The following TET3 variants were observed in gnomAD, a reference collection of about 807,000 sequenced individuals.
TET3 encodes tet methylcytosine dioxygenase 3.
Under a neutral mutation model 141.4 loss-of-function variants are expected in TET3, and 19 were observed. The ratio of observed to expected loss-of-function variants is 0.13; its 90% CI spans 0.09 to 0.20. The LOEUF (loss-of-function observed/expected upper bound fraction) is 0.20, where lower values mean the gene tolerates loss of function less well. TET3 is among the 10% of genes least tolerant of loss of function. The pLI is 1.00. For missense variants in TET3, 1,874 were observed against 2,356.9 expected, an observed-to-expected ratio of 0.80 and a Z score of 4.24; for synonymous variants, 1,043 against 980.9, an observed-to-expected ratio of 1.06 and a Z score of -1.18.
chr2:74,124,123 TG>T, the TET3 span, among the ~76,000 whole-genome samples: 84 of 145,830 alleles, frequency 5.8e-4, 1 homozygote, highest in Admixed American at 5.5e-3. Flanking sequence ...GTCCAGGAGG[TG>T]GGGGGCAGCC....
At chr2:74,092,162 C>T (rs1232683693) in intron 8 of TET3, among the ~76,000 whole-genome samples, 1 of 152,012 alleles carries the variant, frequency 6.6e-6, no homozygotes, top group Non-Finnish European at 1.5e-5. Flanking sequence ...AAGAAATTAG[C>T]CGGCTGTGGG....
chr2:74,050,206 A>G (rs1332870953), intron 4 of TET3, among the ~76,000 whole-genome samples: 1 of 152,202 alleles, frequency 6.6e-6, no homozygotes, highest in Non-Finnish European at 1.5e-5. Context: ...TCCCAACTCC[A>G]TCACTTACTA....
intron 2 of TET3, among the ~76,000 whole-genome samples, chr2:74,000,009 TG>T (rs1684770296): frequency 6.6e-6 from 1 of 152,002 alleles, no homozygotes; most frequent in African/African-American, 2.4e-5. Context: ...GACCTGTGTT[TG>T]GGGTAGGGCT....
chr2:74,122,486 C>CATATAT, the TET3 span: 27 of 89,322 alleles, frequency 3.0e-4, no homozygotes, highest in South Asian at 6.1e-4. Context: ...TATATAAATA[C>CATATAT]ATACATATAT....
At chr2:74,052,594 G>A (rs1330299876) in intron 4 of TET3, among the ~76,000 whole-genome samples, 6 of 149,874 alleles carry the variant, frequency 4.0e-5, no homozygotes, top group Non-Finnish European at 8.9e-5. Flanking sequence ...GGAGGGGCCC[G>A]GGCGCTGTGG....
chr2:74,012,965 T>C (rs1685536226), intron 3 of TET3, among the ~76,000 whole-genome samples: 1 of 152,106 alleles, frequency 6.6e-6, no homozygotes, highest in African/African-American at 2.4e-5. Flanking sequence ...TGTCTTTGCA[T>C]TCTTTGAATA....
intron 6 of TET3, among the ~76,000 whole-genome samples, chr2:74,084,704 C>T (rs1214895361): frequency 6.6e-6 from 1 of 152,094 alleles, no homozygotes; most frequent in Non-Finnish European, 1.5e-5. Context: ...CCACCCGCCT[C>T]GGCCTCCCAA....
In TET3 at chr2:74,011,157, G is replaced by T. The variant is rs183000013; in HGVS notation, c.360+7991G>T. Among the ~76,000 whole-genome samples, 66 of 148,402 alleles carry T rather than the reference G, an allele frequency of 4.4e-4. 1 individual carries two copies. The East Asian group carries it at 0.011, about 25-fold the overall frequency. On this transcript the variant is annotated intron_variant, in intron 3 of 11. Transcript: ENST00000409262. The stretch of plus-strand genomic sequence containing the variant: ...GCAGGAGAATCGCTTGAACCCGGGA[G>T]GCAGAGGTTGCAGTGGGCCAAGATC...
Position 74,107,993 on chromosome 2 carries a change from T to C in TET3, c.*5817T>C, listed in dbSNP as rs1691602753. On this transcript the variant is annotated 3_prime_UTR_variant, in exon 12 of 12. Transcript: ENST00000409262. ...CTGAGCTACCCCTCCTTACCCTCCC[T>C]TCTCCCTCAGTGTTTCAGTAAATTT... 1 of 153,718 alleles carries C rather than the reference T, an allele frequency of 6.5e-6. No individual in the cohort carries two copies. The highest frequency in any genetic ancestry group is 1.5e-5 in the Non-Finnish European group (1 of 68,036). 9.5% of individuals were successfully genotyped at this position (153,718 alleles called of 1,614,324 possible).
At chr2:74,031,393 G>T (rs750679451) in intron 3 of TET3, among the ~76,000 whole-genome samples, 1 of 152,126 alleles carries the variant, frequency 6.6e-6, no homozygotes, top group Non-Finnish European at 1.5e-5. Context: ...TAATGGTTGC[G>T]CAAATGCCTA....
At position 74,072,383 on chromosome 2, in the gene TET3, A is replaced by G. The variant is rs1195595443; in HGVS notation, c.2495-1166A>G. ...CAAAATTAGCTGGGTGTGGTGGTGC[A>G]TGCCTATAATCCCAGCTACTTGGGA... On this transcript the variant is annotated intron_variant, in intron 4 of 11. Transcript: ENST00000409262. Among the ~76,000 whole-genome samples, 7 of 152,202 alleles carry G rather than the reference A, an allele frequency of 4.6e-5. No homozygotes were observed. In the East Asian group the frequency reaches 1.2e-3, roughly 25 times the overall value.
At chr2:74,051,462 T>C (rs1231841948) in intron 4 of TET3, among the ~76,000 whole-genome samples, 1 of 152,240 alleles carries the variant, frequency 6.6e-6, no homozygotes, top group Non-Finnish European at 1.5e-5. Context: ...GGTCGGAGTA[T>C]GGATGACCTT....
intron 8 of TET3, among the ~76,000 whole-genome samples, chr2:74,090,256 G>A (rs546287621): frequency 2.0e-5 from 3 of 152,274 alleles, no homozygotes; most frequent in African/African-American, 4.8e-5. Context: ...TAGCAGTTAC[G>A]GGTGCCCCAG....
intron 3 of TET3, among the ~76,000 whole-genome samples, chr2:74,022,094 CTTT>C (rs34529157): frequency 1.1e-4 from 9 of 82,752 alleles, no homozygotes; most frequent in Admixed American, 1.4e-4. Context: ...TTCTAGGACA[CTTT>C]TTTTTTTTTT....
At chr2:74,096,921 A>T (rs189649313) in intron 10 of TET3, among the ~76,000 whole-genome samples, 6 of 151,948 alleles carry the variant, frequency 3.9e-5, no homozygotes, top group African/African-American at 1.4e-4. Context: ...GCAAAACCCT[A>T]TCTCTACAAA....
At chr2:74,000,631 T>G (rs552312424) in intron 2 of TET3, among the ~76,000 whole-genome samples, 1 of 152,122 alleles carries the variant, frequency 6.6e-6, no homozygotes, top group East Asian at 1.9e-4. Context: ...GGGAAGTGAT[T>G]GGGTTCAAGT....
At chr2:74,070,422 G>T (rs946086197) in intron 4 of TET3, among the ~76,000 whole-genome samples, 1 of 152,144 alleles carries the variant, frequency 6.6e-6, no homozygotes, top group East Asian at 1.9e-4. Flanking sequence ...CCATGATTCA[G>T]TTATCTCTCA....
At chr2:74,119,247 G>A in the TET3 span, among the ~76,000 whole-genome samples, 24 of 151,982 alleles carry the variant, frequency 1.6e-4, no homozygotes, top group Admixed American at 5.2e-4. Flanking sequence ...CAGATACTTC[G>A]GAGGCTGAGG....
rs1208078232 is a variant in TET3 at position 74,106,542 on chromosome 2, T to C, written c.*4366T>C. On this transcript the variant is annotated 3_prime_UTR_variant, in exon 12 of 12. Transcript: ENST00000409262. ...GGACCATGGTGGGCAGGGGCTTCAT[T>C]CTCTGACCCAGCGTTGCTTCTGCCT... 1 of 153,748 alleles carries C rather than the reference T, an allele frequency of 6.5e-6. No homozygotes were observed. Among genetic ancestry groups the C allele is most frequent in the Non-Finnish European group, 1.5e-5 (1 of 68,050 alleles). 9.5% of individuals were successfully genotyped at this position (153,748 alleles called of 1,614,324 possible).
Sources: allele counts gnomAD v4.1 joint callset (sites outside exome capture counted in the v4.1 genomes callset), GRCh38; gene constraint gnomAD v4.1.1; transcripts MANE v1.5; gene names NCBI Gene and HGNC (gene_info 2026-07-23, HGNC 2026-07-21).